NDUFAF6: variants seen among roughly 807,000 people sequenced by gnomAD.
NDUFAF6 encodes the protein NADH dehydrogenase (ubiquinone) complex I, assembly factor 6.
NDUFAF6 carries 45 observed loss-of-function variants against 40.8 expected under a neutral mutation model. The observed-to-expected ratio is 1.10, with a 90% CI of 0.87 to 1.42. The LOEUF (loss-of-function observed/expected upper bound fraction) is 1.42. NDUFAF6 is among the 40% of genes most tolerant of loss of function. NDUFAF6 has a pLI of 0.00. For missense variants in NDUFAF6, 435 were observed against 418.5 expected, an observed-to-expected ratio of 1.04 and a Z score of -0.34; for synonymous variants, 185 against 155.9, an observed-to-expected ratio of 1.19 and a Z score of -1.39.
At chr8:94,915,039 A>C (rs1225428577) in intron 1 of NDUFAF6, among the ~76,000 whole-genome samples, 2 of 152,124 alleles carry the variant, frequency 1.3e-5, no homozygotes, top group Non-Finnish European at 2.9e-5. Context: ...CACAGTACCC[A>C]ATAGGTCATT....
chr8:95,000,674 A>G lies in NDUFAF6; in HGVS notation c.-84+19701A>G, dbSNP rs553633433. ...ATTCTGGCTGGGCGTCGTGGCTTAC[A>G]CTTGTAATCCCAGCACTTTGAGAGG... is the stretch of plus-strand genomic sequence containing the variant. On this transcript the variant is annotated intron_variant, in intron 2 of 9. Coordinates refer to the NDUFAF6 transcript ENST00000396111. Among the ~76,000 whole-genome samples, 172 of 151,738 alleles carry G rather than the reference A, an allele frequency of 1.1e-3. 1 individual carries two copies. The highest frequency in any genetic ancestry group is 1.8e-3 in the Non-Finnish European group (124 of 67,918).
intron 1 of NDUFAF6, among the ~76,000 whole-genome samples, chr8:94,896,179 C>T (rs968173773): frequency 1.3e-5 from 2 of 151,736 alleles, no homozygotes; most frequent in East Asian, 3.9e-4. Context: ...ATTCCTCCTC[C>T]CCCTGAGCGC....
intron 1 of NDUFAF6, among the ~76,000 whole-genome samples, chr8:94,967,687 T>C (rs1055633068): frequency 2.0e-5 from 3 of 151,894 alleles, no homozygotes; most frequent in African/African-American, 7.3e-5. Context: ...ACGTCTGTAA[T>C]CCCAGCACTT....
At chr8:95,042,715 G>A (rs1489296872) in intron 4 of NDUFAF6, among the ~76,000 whole-genome samples, 3 of 152,184 alleles carry the variant, frequency 2.0e-5, no homozygotes, top group African/African-American at 7.2e-5. Flanking sequence ...AAGTTAGAGG[G>A]CTCACATTTC....
At chr8:95,037,243 G>A (rs771036805) in intron 3 of NDUFAF6, among the ~76,000 whole-genome samples, 4 of 152,288 alleles carry the variant, frequency 2.6e-5, no homozygotes, top group African/African-American at 4.8e-5. Context: ...TCATTCAGCA[G>A]ATTTCCAACT....
chr8:95,064,065 G>GTTTTTTTT (rs1369326100), intron 9 of NDUFAF6, among the ~76,000 whole-genome samples: 25 of 131,936 alleles, frequency 1.9e-4, no homozygotes, highest in South Asian at 4.8e-4. Flanking sequence ...TTTTTTTTTG[G>GTTTTTTTT]ATTTTTACTA....
chr8:94,956,946 G>A (rs777894295), upstream of NDUFAF6, among the ~76,000 whole-genome samples: 5 of 152,114 alleles, frequency 3.3e-5, no homozygotes, highest in Non-Finnish European at 7.3e-5. Flanking sequence ...TGAGGTGGGC[G>A]GATCACTTGA....
intron 2 of NDUFAF6, among the ~76,000 whole-genome samples, chr8:95,017,359 A>G (rs1006223084): frequency 7.2e-5 from 11 of 152,078 alleles, no homozygotes; most frequent in Non-Finnish European, 1.5e-5. Flanking sequence ...GGAAGGGAAC[A>G]AGGGGATTAA....
chr8:94,984,394 GTA>G (rs1019837971), intron 2 of NDUFAF6, among the ~76,000 whole-genome samples: 7 of 152,154 alleles, frequency 4.6e-5, no homozygotes, highest in African/African-American at 1.7e-4. Flanking sequence ...AGCCATATAT[GTA>G]TATATATTAC....
intron 1 of NDUFAF6, among the ~76,000 whole-genome samples, chr8:94,945,207 G>A (rs562504708): frequency 3.9e-5 from 6 of 152,020 alleles, no homozygotes; most frequent in Admixed American, 2.0e-4. Context: ...TAAATTTTAC[G>A]AAGTCTAAAT....
chr8:94,922,898 A>G (rs1030090750), intron 1 of NDUFAF6, among the ~76,000 whole-genome samples: 2 of 152,214 alleles, frequency 1.3e-5, no homozygotes, highest in Admixed American at 6.5e-5. Context: ...CCAGTTGCAC[A>G]CAAAAGAATT....
intron 2 of NDUFAF6, among the ~76,000 whole-genome samples, chr8:95,003,371 T>C (rs1423624708): frequency 2.3e-4 from 35 of 152,156 alleles, no homozygotes; most frequent in Admixed American, 1.5e-3. Context: ...ATTCCTGGGA[T>C]AGCAAAATAT....
intron 3 of NDUFAF6, 111 bp downstream of exon 3, chr8:95,035,687 T>G (rs900225503): frequency 9.1e-7 from 1 of 1,104,654 alleles, no homozygotes; most frequent in Non-Finnish European, 1.3e-6. Flanking sequence ...TCTGAAAATA[T>G]TCTTAGGCTT....
chr8:94,969,567 G>T (rs1824290480), intron 1 of NDUFAF6, among the ~76,000 whole-genome samples: 1 of 152,112 alleles, frequency 6.6e-6, no homozygotes, highest in Non-Finnish European at 1.5e-5. Context: ...GGTGAGCCTG[G>T]GAGTTCAAGG....
At chr8:94,906,692 G>C (rs1341363635) in intron 1 of NDUFAF6, among the ~76,000 whole-genome samples, 1 of 152,210 alleles carries the variant, frequency 6.6e-6, no homozygotes, top group Non-Finnish European at 1.5e-5. Context: ...CCTGGTTTAA[G>C]TCGTGGATCC....
Position 95,048,498 on chromosome 8 carries a change from TAA to T in NDUFAF6, c.760_761del (p.Asn254CysfsTer7). The stretch of plus-strand genomic sequence containing the variant: ...AGGACTTTCTACGGAGGAACCAAGA[TAA>T]AAATGTGAGAGATGTAATATATGAC... ...QEDFLRRNQD[K>X]NVRDVIYDIA... On this transcript the variant is annotated frameshift_variant, in exon 7 of 9. Transcript: ENST00000396124. LOFTEE classifies it high-confidence loss of function. 1.2e-6 allele frequency: 2 copies of T among 1,614,130 alleles called. No homozygotes were observed. Among genetic ancestry groups the T allele is most frequent in the Non-Finnish European group, 1.7e-6 (2 of 1,180,006 alleles).
At chr8:95,057,764 C>A (rs1473912836) in intron 8 of NDUFAF6, 45 bp from the exon 9 acceptor site, 4 of 1,358,852 alleles carry the variant, frequency 2.9e-6, no homozygotes, top group Admixed American at 2.1e-5. Context: ...TTTTTTAAGT[C>A]TTGATCATTT....
intron 1 of NDUFAF6, chr8:94,939,902 G>A: frequency 1.9e-6 from 3 of 1,614,076 alleles, no homozygotes; most frequent in African/African-American, 1.3e-5. Context: ...CCCACGGGTG[G>A]CCTCACTGAG....
intron 1 of NDUFAF6, among the ~76,000 whole-genome samples, chr8:95,027,335 T>G (rs1296208090): frequency 6.6e-6 from 1 of 151,768 alleles, no homozygotes; most frequent in East Asian, 2.0e-4. Context: ...CCTTAGCACT[T>G]TGGGAGGCTG....
Sources: gnomAD v4.1 joint callset for allele counts (sites outside exome capture counted in the v4.1 genomes callset) on GRCh38, gnomAD v4.1.1 for gene constraint, MANE v1.5 for transcripts, NCBI Gene and HGNC (gene_info 2026-07-23, HGNC 2026-07-21) for gene names.